The following PPARA variants were observed in gnomAD, a reference collection of about 807,000 sequenced individuals.
PPARA encodes the protein peroxisome proliferator-activated receptor alpha.
Under a neutral mutation model 42.2 loss-of-function variants are expected in PPARA, and 22 were observed. That is an observed-to-expected ratio of 0.52 (90% CI 0.37 to 0.74). The LOEUF is 0.74. PPARA is among the 30% of genes least tolerant of loss of function. PPARA has a pLI of 0.00. For missense variants in PPARA, 465 were observed against 608.2 expected (o/e 0.76, Z 2.48); for synonymous variants, 242 against 239.3 (o/e 1.01, Z -0.10).
intron 2 of PPARA, among the ~76,000 whole-genome samples, chr22:46,152,173 C>G (rs1924545504): frequency 7.5e-6 from 1 of 132,640 alleles, no homozygotes; most frequent in South Asian, 2.4e-4. Flanking sequence ...GAGTCTCGCT[C>G]TGCCGCCCAG....
rs1457917812 is a variant in PPARA at position 46,165,613 on chromosome 22, CA to C, written c.-126-11134del. Among the ~76,000 whole-genome samples, 2 of 152,014 alleles carry C rather than the reference CA, an allele frequency of 1.3e-5. No individual in the cohort carries two copies. Among genetic ancestry groups the C allele is most frequent in the Admixed American group, 1.3e-4 (2 of 15,256 alleles). On this transcript the variant is annotated intron_variant, in intron 2 of 8. Transcript: ENST00000407236. The surrounding 1 kb of genome is among the most constrained non-coding windows in gnomAD (Gnocchi z 5.5). ...ACATCCCAAACTTTGGATTGGGACCCAAAAAAGCTCCATCCCAGGAGTACAG... is the reference window on the plus strand; with the variant it reads ...ACATCCCAAACTTTGGATTGGGACCCAAAAAGCTCCATCCCAGGAGTACAG...
At position 46,221,281 on chromosome 22, in the gene PPARA, G is replaced by A. The variant is rs746656983; in HGVS notation, c.711+1267G>A. 6.2e-4 allele frequency among the ~76,000 whole-genome samples: 94 copies of A among 152,232 alleles called. No individual in the cohort carries two copies. The highest frequency in any genetic ancestry group is 7.8e-4 in the Non-Finnish European group (53 of 68,010). On this transcript the variant is annotated intron_variant, in intron 7 of 8. Coordinates refer to ENST00000407236, the MANE Select transcript of PPARA (RefSeq NM_005036.6). The surrounding 1 kb of genome is among the most constrained non-coding windows in gnomAD (Gnocchi z 5.9). ...TCACCCCCATGATCCAGTCCCTCCC[G>A]CCAGGCCTCACCTCCACCACTGGGG...
intron 4 of PPARA, among the ~76,000 whole-genome samples, chr22:46,214,279 G>C (rs1934223498): frequency 6.6e-6 from 1 of 152,144 alleles, no homozygotes; most frequent in Admixed American, 6.5e-5. Flanking sequence ...GATGTGTGCA[G>C]CGGAGATGTG....
intron 4 of PPARA, among the ~76,000 whole-genome samples, chr22:46,209,863 A>G (rs1933748142): frequency 6.6e-6 from 1 of 152,078 alleles, no homozygotes; most frequent in South Asian, 2.1e-4. Flanking sequence ...CTCCCACCTC[A>G]GCCTCCTATG....
At chr22:46,205,886 CT>C (rs1231014662) in intron 4 of PPARA, among the ~76,000 whole-genome samples, 1 of 151,918 alleles carries the variant, frequency 6.6e-6, no homozygotes, top group Non-Finnish European at 1.5e-5. Flanking sequence ...ACTACTTTGT[CT>C]GTTATTGATG....
chr22:46,168,203 T>G (rs1442633651), intron 2 of PPARA, among the ~76,000 whole-genome samples: 1 of 150,086 alleles, frequency 6.7e-6, no homozygotes, highest in Non-Finnish European at 1.5e-5. Flanking sequence ...ATACAAAAAA[T>G]TAGCCGGACG....
chr22:46,201,221 AGG>A (rs564219435), intron 4 of PPARA, among the ~76,000 whole-genome samples: 1 of 151,810 alleles, frequency 6.6e-6, no homozygotes, highest in Non-Finnish European at 1.5e-5. Context: ...CTTGCTCTAG[AGG>A]GCTATTCTCT....
chr22:46,230,496 T>TA lies in PPARA; in HGVS notation c.712-1293dup, dbSNP rs1208026194. ...CACTTTCCTGCTCTACCCGCAGATG[T>TA]AAATTTCAGCCAACAGCAGTGTTTG... On this transcript the variant is annotated intron_variant, in intron 7 of 8. Transcript: ENST00000407236. This position sits in a 1 kb window ranked among gnomAD's most constrained non-coding sequence, Gnocchi z 5.0. 2.0e-5 allele frequency among the ~76,000 whole-genome samples: 3 copies of TA among 152,234 alleles called. No individual in the cohort carries two copies. Among genetic ancestry groups the TA allele is most frequent in the Admixed American group, 6.5e-5 (1 of 15,288 alleles).
chr22:46,165,150 A>G lies in PPARA; in HGVS notation c.-126-11603A>G, dbSNP rs1332255875. On this transcript the variant is annotated intron_variant, in intron 2 of 8. Transcript: ENST00000407236. This position sits in a 1 kb window ranked among gnomAD's most constrained non-coding sequence, Gnocchi z 5.5. ...TCCGGGGTATAAGTGATTCTCCCATATCAGCCTCCCGAGGAGCTGGGACTA... is the reference window on the plus strand; with the variant it reads ...TCCGGGGTATAAGTGATTCTCCCATGTCAGCCTCCCGAGGAGCTGGGACTA... 2 of 152,154 alleles carry G rather than the reference A, an allele frequency of 1.3e-5. No homozygotes were observed. The highest frequency in any genetic ancestry group is 4.8e-5 in the African/African-American group (2 of 41,398). 9.4% of individuals were successfully genotyped at this position (152,154 alleles called of 1,614,324 possible).
Position 46,185,894 on chromosome 22 carries a change from C to CAAAA in PPARA, c.-43+9058_-43+9059insAAAA, listed in dbSNP as rs1279499029. Among the ~76,000 whole-genome samples, 10 of 20,860 alleles carry CAAAA rather than the reference C, an allele frequency of 4.8e-4. 4 individuals are homozygous for CAAAA. Among genetic ancestry groups the CAAAA allele is most frequent in the African/African-American group, 2.7e-3 (10 of 3,672 alleles). The allele number at this position is 20,860 out of a possible 152,430, so 13.7% of individuals were successfully genotyped here. A position where few individuals can be genotyped will look rare whatever the true frequency, so the allele number is the denominator to read the frequency against. The stretch of plus-strand genomic sequence containing the variant: ...TGGGTGACAAAGTGAGACTCCGTCT[C>CAAAA]CAAAAAAAAAAAAAAAAAAAAAATA... On this transcript the variant is annotated intron_variant, in intron 3 of 8. Coordinates refer to ENST00000407236, the MANE Select transcript of PPARA (RefSeq NM_005036.6).
chr22:46,177,676 C>G (rs1929356947), intron 3 of PPARA, among the ~76,000 whole-genome samples: 1 of 151,916 alleles, frequency 6.6e-6, no homozygotes, highest in East Asian at 1.9e-4. Context: ...TGAGATAGAT[C>G]AGAACCTCAG....
In PPARA at chr22:46,167,669, T is replaced by C. The variant is rs957936028; in HGVS notation, c.-126-9084T>C. Among the ~76,000 whole-genome samples the C allele has an allele frequency of 2.6e-5, 4 of 151,784 alleles. No homozygotes were observed. Among genetic ancestry groups the C allele is most frequent in the Admixed American group, 2.6e-4 (4 of 15,234 alleles). On this transcript the variant is annotated intron_variant, in intron 2 of 8. Coordinates refer to ENST00000407236, the MANE Select transcript of PPARA (RefSeq NM_005036.6). This position sits in a 1 kb window ranked among gnomAD's most constrained non-coding sequence, Gnocchi z 4.1. ...CGTGTGTTAAAAAAAGAGTTAAAAC[T>C]ATAAAACCTTCAGAAGAAAACATAT...
rs1931139419 is a variant in PPARA, at chr22:46,188,677, T to C, written c.-42-9665T>C. ...TGCCATTGAGGGCCTGGCCCACGTG[T>C]GATGTTCAATAATATTATTTCTCCT... On this transcript the variant is annotated intron_variant, in intron 3 of 8. Coordinates refer to ENST00000407236, the MANE Select transcript of PPARA (RefSeq NM_005036.6). This position sits in a 1 kb window ranked among gnomAD's most constrained non-coding sequence, Gnocchi z 5.0. 6.6e-6 allele frequency: 1 copy of C among 152,216 alleles called. No homozygotes were observed. Among genetic ancestry groups the C allele is most frequent in the African/African-American group, 2.4e-5 (1 of 41,442 alleles). 9.4% of individuals were successfully genotyped at this position (152,216 alleles called of 1,614,324 possible). A position where few individuals can be genotyped will look rare whatever the true frequency, so the allele number is the denominator to read the frequency against.
Position 46,187,422 on chromosome 22 carries a change from G to A in PPARA, c.-43+10586G>A, listed in dbSNP as rs748737439. Reference sequence around the variant, plus strand: ...TCCTAGACTCTGTCCCAGGTCCCTGGTCCAGGCAGCTGCCAGTTGTCAGGA... The same window carrying A: ...TCCTAGACTCTGTCCCAGGTCCCTGATCCAGGCAGCTGCCAGTTGTCAGGA... On this transcript the variant is annotated intron_variant, in intron 3 of 8. Transcript: ENST00000407236. This position sits in a 1 kb window ranked among gnomAD's most constrained non-coding sequence, Gnocchi z 4.9. 1.8e-4 allele frequency among the ~76,000 whole-genome samples: 28 copies of A among 152,252 alleles called. No homozygotes were observed. Among genetic ancestry groups the A allele is most frequent in the South Asian group, 1.2e-3 (6 of 4,816 alleles).
rs1934359884 is a variant in PPARA at position 46,215,178 on chromosome 22, C to T, written c.214C>T (p.Leu72Phe). The T allele has an allele frequency of 1.9e-6, 3 of 1,613,956 alleles. No homozygotes were observed. The highest frequency in any genetic ancestry group is 2.5e-6 in the Non-Finnish European group (3 of 1,179,990). The stretch of plus-strand genomic sequence containing the variant: ...TCTCTCCTCTTTTTCCCCAGACACG[C>T]TTTCACCAGCTTCGAGCCCCTCCTC... ...GSDGSVITDT[L>F]SPASSPSSVT... Residue 72 changes from leucine to phenylalanine, a missense_variant, in exon 5 of 9, where the codon CTT (leucine) becomes TTT (phenylalanine). By Grantham distance (22) the Leu-to-Phe change is conservative. Coordinates refer to ENST00000407236, the MANE Select transcript of PPARA (RefSeq NM_005036.6).
At chr22:46,172,501 C>G (rs191916322) in intron 2 of PPARA, among the ~76,000 whole-genome samples, 14 of 151,978 alleles carry the variant, frequency 9.2e-5, no homozygotes, top group African/African-American at 3.4e-4. Flanking sequence ...GACTATAGTT[C>G]CAGCTACTCA....
chr22:46,202,354 T>G (rs934236520), intron 4 of PPARA, among the ~76,000 whole-genome samples: 3 of 152,204 alleles, frequency 2.0e-5, no homozygotes, highest in Non-Finnish European at 4.4e-5. Flanking sequence ...GCTTGAGAAT[T>G]TCCTGCATAC....
chr22:46,192,747 T>G lies in PPARA; in HGVS notation c.-42-5595T>G, dbSNP rs917764638. On this transcript the variant is annotated intron_variant, in intron 3 of 8. Transcript: ENST00000407236. The surrounding 1 kb of genome is among the most constrained non-coding windows in gnomAD (Gnocchi z 4.3). ...ACCTAAGTGTCCATCACCAGACAAATAGATAAAGGAAATGTGATATATATA... is the reference window on the plus strand; with the variant it reads ...ACCTAAGTGTCCATCACCAGACAAAGAGATAAAGGAAATGTGATATATATA... Among the ~76,000 whole-genome samples the G allele has an allele frequency of 1.3e-5, 2 of 152,002 alleles. No homozygotes were observed. Among genetic ancestry groups the G allele is most frequent in the African/African-American group, 4.8e-5 (2 of 41,384 alleles).
At chr22:46,170,979 G>A (rs1927938855) in intron 2 of PPARA, among the ~76,000 whole-genome samples, 1 of 151,762 alleles carries the variant, frequency 6.6e-6, no homozygotes, top group African/African-American at 2.4e-5. Flanking sequence ...TGGTCAACAT[G>A]GCAAAACCCT....
Sources: allele counts gnomAD v4.1 joint callset (sites outside exome capture counted in the v4.1 genomes callset), GRCh38; gene constraint gnomAD v4.1.1; non-coding constraint Gnocchi (gnomAD v3.1); transcripts MANE v1.5; gene names NCBI Gene and HGNC (gene_info 2026-07-23, HGNC 2026-07-21).